NOL4: variants seen among roughly 807,000 people sequenced by gnomAD.
NOL4 encodes nucleolar protein 4, also known as cancer/testis antigen 125.
NOL4 carries 17 observed loss-of-function variants against 75.9 expected under a neutral mutation model. The ratio of observed to expected loss-of-function variants is 0.22; its 90% CI spans 0.15 to 0.34. The LOEUF (loss-of-function observed/expected upper bound fraction) is 0.34, where lower values mean the gene tolerates loss of function less well. Ranked by LOEUF, NOL4 falls within the 10% of genes least tolerant of loss-of-function variation. The pLI is 1.00. For missense variants in NOL4, 614 were observed against 793.5 expected, an observed-to-expected ratio of 0.77 and a Z score of 2.72; for synonymous variants, 292 against 289.9, an observed-to-expected ratio of 1.01 and a Z score of -0.07.
intron 9 of NOL4, among the ~76,000 whole-genome samples, chr18:33,898,626 TC>T (rs1245780203): frequency 6.6e-6 from 1 of 152,158 alleles, no homozygotes; most frequent in African/African-American, 2.4e-5. Flanking sequence ...ATTCTTGTCA[TC>T]TGAGAAGCAC....
chr18:33,857,991 C>A (rs185657910), intron 10 of NOL4, among the ~76,000 whole-genome samples: 147 of 152,186 alleles, frequency 9.7e-4, no homozygotes, highest in Middle Eastern at 3.4e-3. Context: ...TTCATCACTT[C>A]AAACTTATCA....
At chr18:34,201,437 A>G (rs1388058678) in intron 1 of NOL4, among the ~76,000 whole-genome samples, 1 of 151,724 alleles carries the variant, frequency 6.6e-6, no homozygotes, top group Non-Finnish European at 1.5e-5. Flanking sequence ...CTTAACCGCT[A>G]CTCTTACTGT....
intron 9 of NOL4, among the ~76,000 whole-genome samples, chr18:33,937,771 A>G (rs991723429): frequency 3.3e-5 from 5 of 152,076 alleles, no homozygotes; most frequent in African/African-American, 4.8e-5. Context: ...ACAGCAAGAA[A>G]AAAGTAGTTT....
At chr18:33,942,517 C>T (rs2068560457) in intron 9 of NOL4, among the ~76,000 whole-genome samples, 1 of 151,768 alleles carries the variant, frequency 6.6e-6, no homozygotes, top group Admixed American at 6.6e-5. Context: ...ACATGACATG[C>T]AATTGGCATA....
At chr18:34,139,041 T>C (rs1049914771) in intron 1 of NOL4, among the ~76,000 whole-genome samples, 6 of 152,214 alleles carry the variant, frequency 3.9e-5, no homozygotes, top group Non-Finnish European at 5.9e-5. Flanking sequence ...TTGATTATGG[T>C]GGATAAGCTT....
chr18:34,148,977 T>G (rs2081528939), intron 1 of NOL4, among the ~76,000 whole-genome samples: 1 of 151,730 alleles, frequency 6.6e-6, no homozygotes, highest in South Asian at 2.1e-4. Flanking sequence ...GAGAAATGAA[T>G]TATTTAATAT....
intron 5 of NOL4, among the ~76,000 whole-genome samples, chr18:34,031,309 A>T (rs890711516): frequency 6.6e-6 from 1 of 152,206 alleles, no homozygotes; most frequent in African/African-American, 2.4e-5. Context: ...CTAATTTATC[A>T]TGGACAACCA....
intron 2 of NOL4, among the ~76,000 whole-genome samples, chr18:34,118,101 A>T (rs1474797008): frequency 6.6e-6 from 1 of 152,218 alleles, no homozygotes; most frequent in Non-Finnish European, 1.5e-5. Flanking sequence ...AACAATAATT[A>T]ATATAATCAC....
intron 5 of NOL4, among the ~76,000 whole-genome samples, chr18:34,073,664 A>G (rs896541379): frequency 6.6e-6 from 1 of 152,078 alleles, no homozygotes; most frequent in Non-Finnish European, 1.5e-5. Context: ...CCATGGATGA[A>G]GAGGGCTGAA....
chr18:33,954,651 A>T (rs1169706019), intron 8 of NOL4, among the ~76,000 whole-genome samples: 1 of 152,088 alleles, frequency 6.6e-6, no homozygotes, highest in African/African-American at 2.4e-5. Context: ...GTAGAATTAT[A>T]TGGGGGCAGA....
intron 6 of NOL4, among the ~76,000 whole-genome samples, chr18:34,007,409 G>A (rs1055475541): frequency 6.6e-6 from 1 of 151,922 alleles, no homozygotes; most frequent in Admixed American, 6.6e-5. Context: ...CTGAAGTTAA[G>A]AACCATGACT....
intron 2 of NOL4, among the ~76,000 whole-genome samples, chr18:34,112,107 A>G (rs1419693209): frequency 6.6e-6 from 1 of 152,144 alleles, no homozygotes; most frequent in African/African-American, 2.4e-5. Flanking sequence ...GGTGGCCCAC[A>G]CCTGCAATCC....
At chr18:33,872,205 T>C (rs1018441102) in intron 10 of NOL4, among the ~76,000 whole-genome samples, 2 of 152,024 alleles carry the variant, frequency 1.3e-5, no homozygotes, top group South Asian at 2.1e-4. Context: ...TTAAGCTTGC[T>C]TTCCTTAAAC....
chr18:33,890,118 G>A (rs1039912097), intron 9 of NOL4, among the ~76,000 whole-genome samples: 2 of 152,166 alleles, frequency 1.3e-5, no homozygotes, highest in African/African-American at 4.8e-5. Flanking sequence ...CAGATGACAT[G>A]ATTGTATATT....
intron 6 of NOL4, among the ~76,000 whole-genome samples, chr18:34,017,714 T>G (rs950689911): frequency 6.6e-6 from 1 of 152,170 alleles, no homozygotes; most frequent in African/African-American, 2.4e-5. Context: ...CATTGTCCAT[T>G]GGAGCTGCCT....
chr18:34,190,709 T>C (rs867170398), intron 1 of NOL4, among the ~76,000 whole-genome samples: 1 of 151,526 alleles, frequency 6.6e-6, no homozygotes. Context: ...TGATTATTTA[T>C]AATTTAATTA....
At chr18:34,222,196 G>A in intron 1 of NOL4, 1 of 1,452,476 alleles carries the variant, frequency 6.9e-7, no homozygotes, top group Non-Finnish European at 9.0e-7. Context: ...CGGCGCCTGG[G>A]CTAGAGCTTT....
At chr18:34,135,955 C>A (rs141769468) in intron 1 of NOL4, among the ~76,000 whole-genome samples, 353 of 151,924 alleles carry the variant, frequency 2.3e-3, no homozygotes, top group African/African-American at 7.8e-3. Context: ...ACTAGCAAAC[C>A]AAATCCAACC....
intron 1 of NOL4, among the ~76,000 whole-genome samples, chr18:34,197,610 A>T (rs1240501241): frequency 6.6e-6 from 1 of 152,012 alleles, no homozygotes; most frequent in Non-Finnish European, 1.5e-5. Context: ...ATAAAGGGAC[A>T]TAAACACTAA....
Sources: gnomAD v4.1 joint callset for allele counts (sites outside exome capture counted in the v4.1 genomes callset) on GRCh38, gnomAD v4.1.1 for gene constraint, MANE v1.5 for transcripts, NCBI Gene and HGNC (gene_info 2026-07-23, HGNC 2026-07-21) for gene names.